BROX: variants seen among roughly 807,000 people sequenced by gnomAD.
BROX encodes BRO1 domain and CAAX motif containing.
A neutral mutation model predicts 61.0 loss-of-function variants in BROX; 53 were observed. The observed-to-expected ratio is 0.87, with a 90% confidence interval of 0.70 to 1.09. The LOEUF is 1.09. Ranked by LOEUF, BROX falls within the 50% of genes least tolerant of loss-of-function variation. The pLI, the probability that BROX is intolerant of heterozygous loss-of-function variation, is 0.00. For missense variants in BROX, 489 were observed against 472.0 expected, an observed-to-expected ratio of 1.04 and a Z score of -0.33; for synonymous variants, 152 against 160.2, an observed-to-expected ratio of 0.95 and a Z score of 0.38.
chr1:222,729,479 G>A (rs1193949906), intron 9 of BROX, 141 bp from the exon 10 acceptor site: 1 of 522,584 alleles, frequency 1.9e-6, no homozygotes, highest in Non-Finnish European at 3.4e-6. Context: ...ATGAACAAAG[G>A]TTGGGGAAGA....
intron 4 of BROX, among the ~76,000 whole-genome samples, chr1:222,722,006 A>G (rs1025630923): frequency 6.6e-6 from 1 of 151,982 alleles, no homozygotes; most frequent in African/African-American, 2.4e-5. Flanking sequence ...GCCTGAAACA[A>G]TCTCTCCTCT....
rs1174209896 is a variant in BROX at position 222,733,548 on chromosome 1, G to T, written c.*834G>T. 6.6e-6 allele frequency: 1 copy of T among 152,142 alleles called. No homozygotes were observed. The highest frequency in any genetic ancestry group is 1.5e-5 in the Non-Finnish European group (1 of 68,022). The allele number at this position is 152,142 out of a possible 1,614,324, so 9.4% of individuals were successfully genotyped here. On this transcript the variant is annotated 3_prime_UTR_variant, in exon 13 of 13. Transcript: ENST00000340934. ...TCAGTCATTTATCTTTTCTGGTGGA[G>T]AATAAAAAGTCACTTATAGTTAAAG...
At chr1:222,732,065 A>G (rs1437905298) in intron 12 of BROX, among the ~76,000 whole-genome samples, 1 of 152,160 alleles carries the variant, frequency 6.6e-6, no homozygotes, top group Non-Finnish European at 1.5e-5. Flanking sequence ...CTTTCTTGAG[A>G]TTGAGTTGTG....
chr1:222,732,651 A>G lies in BROX; in HGVS notation c.1173A>G (p.Glu391=). Residue 391 remains glutamate (E), a synonymous_variant, in exon 13 of 13, where the codon GAA becomes GAG. Coordinates refer to ENST00000340934, the MANE Select transcript of BROX (RefSeq NM_144695.4). The part of the protein sequence containing the change: ...DDSTKPKPEE[E]VKPVKEPDIK... ...AGACTAAACCCAAACCAGAAGAAGA[A>G]GTGAAACCTGTGAAAGAACCAGACA... 6.2e-7 allele frequency: 1 copy of G among 1,613,712 alleles called. No individual in the cohort carries two copies. The highest frequency in any genetic ancestry group is 8.5e-7 in the Non-Finnish European group (1 of 1,179,776).
Position 222,723,954 on chromosome 1 carries a change from G to T in BROX, c.402-138G>T. Reference sequence around the variant, plus strand: ...GATTACAGGCCTGGCCTCAAAATTAGATTTATTTTTAAAAGGAAGAAAATT... The same window carrying T: ...GATTACAGGCCTGGCCTCAAAATTATATTTATTTTTAAAAGGAAGAAAATT... On this transcript the variant is annotated intron_variant, in intron 5 of 12. Transcript: ENST00000340934. 7.6e-6 allele frequency: 5 copies of T among 656,354 alleles called. No homozygotes were observed. The South Asian group carries it at 1.1e-4, about 14-fold the overall frequency. 40.7% of individuals were successfully genotyped at this position (656,354 alleles called of 1,614,324 possible).
chr1:222,725,411 G>A, intron 6 of BROX, 39 bp from the exon 7 acceptor site: 2 of 1,379,050 alleles, frequency 1.5e-6, no homozygotes, highest in Non-Finnish European at 2.0e-6. Context: ...AATAAAATTT[G>A]GCTGCTTTGT....
At chr1:222,718,813 G>C in intron 2 of BROX, 112 bp from the exon 3 acceptor site, 1 of 773,908 alleles carries the variant, frequency 1.3e-6, no homozygotes, top group Non-Finnish European at 2.2e-6. Flanking sequence ...AACCTGGTGC[G>C]TGTGTGTATG....
chr1:222,723,555 T>A (rs1657264106), intron 5 of BROX, among the ~76,000 whole-genome samples: 1 of 152,240 alleles, frequency 6.6e-6, no homozygotes, highest in South Asian at 2.1e-4. Context: ...TATACTTGTT[T>A]TCAAGACCTT....
chr1:222,731,169 C>T (rs1047233722), intron 11 of BROX, among the ~76,000 whole-genome samples, 188 bp from the exon 12 acceptor site: 1 of 152,270 alleles, frequency 6.6e-6, no homozygotes, highest in Middle Eastern at 3.4e-3. Context: ...CACTCTACAT[C>T]CATGGTAGCT....
In BROX at chr1:222,729,718, G is replaced by T; in HGVS notation, c.838+17G>T. 6.3e-7 allele frequency: 1 copy of T among 1,596,864 alleles called. No individual in the cohort carries two copies. Among genetic ancestry groups the T allele is most frequent in the Non-Finnish European group, 8.6e-7 (1 of 1,166,352 alleles). On this transcript the variant is annotated intron_variant, in intron 10 of 12. Coordinates refer to ENST00000340934, the MANE Select transcript of BROX (RefSeq NM_144695.4). Reference sequence around the variant, plus strand: ...CAGAAAAATGTAAGTTTTCCTGCCAGAATATTAACTCCCCTTTAAAAAACA... The same window carrying T: ...CAGAAAAATGTAAGTTTTCCTGCCATAATATTAACTCCCCTTTAAAAAACA...
At chr1:222,721,936 T>A (rs1175678696) in intron 4 of BROX, among the ~76,000 whole-genome samples, 1 of 152,188 alleles carries the variant, frequency 6.6e-6, no homozygotes, top group Non-Finnish European at 1.5e-5. Context: ...TCCCTTCTAG[T>A]CATCTTTCCA....
Position 222,719,337 on chromosome 1 carries a change from A to G in BROX, c.283A>G (p.Thr95Ala). 1 of 1,609,152 alleles carries G rather than the reference A, an allele frequency of 6.2e-7. No individual in the cohort carries two copies. The highest frequency in any genetic ancestry group is 8.5e-7 in the Non-Finnish European group (1 of 1,175,636). ...RYIQNFKWTD[T>A]LQGQVPSAQQ... ...TATTCAAAATTTCAAGTGGACTGAT[A>G]CATTGCAAGGACAGGTTCCAAGGTA... The change falls in exon 4 of 13, where the codon ACA (threonine) becomes GCA (alanine). Residue 95 changes from threonine to alanine, a missense_variant. Physicochemically the swap from Thr to Ala is moderately conservative, Grantham distance 58. Coordinates refer to ENST00000340934, the MANE Select transcript of BROX (RefSeq NM_144695.4).
At chr1:222,718,573 G>C (rs1292643306) in intron 2 of BROX, among the ~76,000 whole-genome samples, 1 of 151,896 alleles carries the variant, frequency 6.6e-6, no homozygotes, top group Admixed American at 6.6e-5. Context: ...CACATCTTAA[G>C]TGCATGCATT....
At chr1:222,727,137 T>C (rs759298448) in intron 7 of BROX, 31 bp from the exon 8 acceptor site, 1 of 1,441,588 alleles carries the variant, frequency 6.9e-7, no homozygotes, top group South Asian at 1.2e-5. Context: ...TGAGCTTAAT[T>C]ATAGATTCAC....
At chr1:222,729,531 G>A in intron 9 of BROX, 89 bp from the exon 10 acceptor site, 1 of 918,568 alleles carries the variant, frequency 1.1e-6, no homozygotes, top group Non-Finnish European at 1.7e-6. Context: ...AGTGTATGAA[G>A]GTACTAATTT....
In BROX at chr1:222,719,295, G is replaced by C. The variant is rs1231765361; in HGVS notation, c.241G>C (p.Glu81Gln). ...FINSLDESTQ[E>Q]SKLRYIQNFK... The stretch of plus-strand genomic sequence containing the variant: ...AAATTCTTTGGATGAATCTACCCAA[G>C]AAAGCAAGTTACGATATATTCAAAA... The change falls in exon 4 of 13, where the codon GAA (glutamate) becomes CAA (glutamine). Residue 81 changes from glutamate (E) to glutamine (Q), a missense_variant. Coordinates refer to ENST00000340934, the MANE Select transcript of BROX (RefSeq NM_144695.4). 1.9e-6 allele frequency: 3 copies of C among 1,607,356 alleles called. No homozygotes were observed. Among genetic ancestry groups the C allele is most frequent in the Non-Finnish European group, 2.6e-6 (3 of 1,174,138 alleles).
intron 1 of BROX, among the ~76,000 whole-genome samples, chr1:222,715,466 G>C (rs1253576956): frequency 6.6e-6 from 1 of 152,120 alleles, no homozygotes; most frequent in Non-Finnish European, 1.5e-5. Flanking sequence ...CCAACACTTT[G>C]GGAGGCCAAG....
In BROX at chr1:222,712,782, G is replaced by A; in HGVS notation, c.-177G>A. On this transcript the variant is annotated 5_prime_UTR_variant, in exon 1 of 13. An upstream start codon of the reference 5' UTR is lost. Coordinates refer to ENST00000340934, the MANE Select transcript of BROX (RefSeq NM_144695.4). ...GCACTACCGCCTCGGTAGCTATCAT[G>A]GCCGCCGGGTCACGTGACTCCGGCT... 1.6e-6 allele frequency: 2 copies of A among 1,289,444 alleles called. No individual in the cohort carries two copies. The highest frequency in any genetic ancestry group is 2.0e-6 in the Non-Finnish European group (2 of 988,904). The allele number at this position is 1,289,444 out of a possible 1,614,324, so 79.9% of individuals were successfully genotyped here.
chr1:222,717,166 C>A (rs375676461), intron 2 of BROX, among the ~76,000 whole-genome samples: 4 of 152,168 alleles, frequency 2.6e-5, no homozygotes, highest in African/African-American at 9.7e-5. Context: ...GCATATTATT[C>A]TTCGTTCATT....
Sources: allele counts gnomAD v4.1 joint callset (sites outside exome capture counted in the v4.1 genomes callset), GRCh38; gene constraint gnomAD v4.1.1; transcripts MANE v1.5; gene names NCBI Gene and HGNC (gene_info 2026-07-23, HGNC 2026-07-21).